The following PCDHGB2 variants were observed in gnomAD, a reference collection of about 807,000 sequenced individuals.
The protein encoded by PCDHGB2 is protocadherin gamma-B2.
Under a neutral mutation model 59.3 loss-of-function variants are expected in PCDHGB2, and 55 were observed. The observed-to-expected ratio is 0.93, with a 90% CI of 0.75 to 1.16. The LOEUF (loss-of-function observed/expected upper bound fraction) is 1.16. Ranked by LOEUF, PCDHGB2 falls within the 50% of genes most tolerant of loss-of-function variation. The pLI is 0.00. For missense variants in PCDHGB2, 1,228 were observed against 1,198.5 expected, an observed-to-expected ratio of 1.02 and a Z score of -0.36; for synonymous variants, 516 against 512.0, an observed-to-expected ratio of 1.01 and a Z score of -0.11.
intron 1 of PCDHGB2, chr5:141,392,605 C>CAA: frequency 1.9e-6 from 1 of 514,610 alleles, no homozygotes; most frequent in Non-Finnish European, 3.4e-6. Context: ...TACTGGAAGA[C>CAA]AAATGCAACC....
In PCDHGB2 at chr5:141,432,021, C is replaced by G. The variant is rs746940912; in HGVS notation, c.2422-62786C>G. 1.9e-5 allele frequency: 30 copies of G among 1,614,076 alleles called. No individual in the cohort carries two copies. The highest frequency in any genetic ancestry group is 2.7e-5 in the African/African-American group (2 of 74,922). Reference sequence around the variant, plus strand: ...GAACAGGTTCCTAGCTACAACATCACAGTGACCGCCACTGACCGGGGAACC... The same window carrying G: ...GAACAGGTTCCTAGCTACAACATCAGAGTGACCGCCACTGACCGGGGAACC... On this transcript the variant is annotated intron_variant, in intron 1 of 3. Transcript: ENST00000522605. The surrounding 1 kb of genome is among the most constrained non-coding windows in gnomAD (Gnocchi z 6.0).
At chr5:141,366,663 C>A in intron 1 of PCDHGB2, 2 of 1,614,242 alleles carry the variant, frequency 1.2e-6, no homozygotes, top group East Asian at 2.2e-5. Context: ...TACGCAGACA[C>A]GCTCCTTAGT....
intron 1 of PCDHGB2, chr5:141,471,509 TA>T (rs1211467109): frequency 6.6e-6 from 1 of 152,008 alleles, no homozygotes; most frequent in Non-Finnish European, 1.5e-5. Context: ...AGAGAGGGAG[TA>T]AAAATAACAG....
intron 1 of PCDHGB2, chr5:141,371,737 A>G (rs762168645): frequency 6.2e-7 from 1 of 1,614,038 alleles, no homozygotes; most frequent in South Asian, 1.1e-5. Context: ...GTCAACGACA[A>G]CGTTCCCGTT....
Position 141,399,560 on chromosome 5 carries a change from G to A in PCDHGB2, c.2421+37004G>A, listed in dbSNP as rs1354621756. The A allele has an allele frequency of 6.8e-6, 11 of 1,613,906 alleles. No homozygotes were observed. The Admixed American group carries it at 1.3e-4, about 20-fold the overall frequency. ...GTCTGCGCCTCGGACCTGGACTTGG[G>A]GTTGAACGGCCAAGTCTCCTACTCT... is the stretch of plus-strand genomic sequence containing the variant. On this transcript the variant is annotated intron_variant, in intron 1 of 3. Coordinates refer to ENST00000522605, the MANE Select transcript of PCDHGB2 (RefSeq NM_018923.3).
intron 2 of PCDHGB2, among the ~76,000 whole-genome samples, chr5:141,502,866 C>CTTTTTTT (rs549047197): frequency 0.02 from 2,590 of 127,990 alleles, 216 homozygotes; most frequent in African/African-American, 0.075. Flanking sequence ...GACTCTCTGT[C>CTTTTTTT]TTTTTTTTTT....
intron 1 of PCDHGB2, among the ~76,000 whole-genome samples, chr5:141,382,559 C>T (rs1588920623): frequency 1.3e-5 from 2 of 152,238 alleles, no homozygotes; most frequent in East Asian, 1.9e-4. Context: ...ATATCTAGAG[C>T]AAAGAAATCT....
chr5:141,387,978 C>T, intron 1 of PCDHGB2: 1 of 1,487,640 alleles, frequency 6.7e-7, no homozygotes, highest in Non-Finnish European at 9.1e-7. Flanking sequence ...GCTCTGTGAG[C>T]AGATCCGCTA....
At chr5:141,492,189 G>A (rs2099737936) in intron 1 of PCDHGB2, among the ~76,000 whole-genome samples, 1 of 152,204 alleles carries the variant, frequency 6.6e-6, no homozygotes, top group East Asian at 1.9e-4. Flanking sequence ...GCACCTGTCT[G>A]CGGGACTTAG....
At position 141,486,543 on chromosome 5, in the gene PCDHGB2, A is replaced by G; in HGVS notation, c.2422-8264A>G. Reference sequence around the variant, plus strand: ...AATGATAATCCACCCTCTTTCTTTCAGAGGTCACATGAGGTGTTTGTTCCT... The same window carrying G: ...AATGATAATCCACCCTCTTTCTTTCGGAGGTCACATGAGGTGTTTGTTCCT... On this transcript the variant is annotated intron_variant, in intron 1 of 3. Transcript: ENST00000522605. This position sits in a 1 kb window ranked among gnomAD's most constrained non-coding sequence, Gnocchi z 5.0. 6.2e-7 allele frequency: 1 copy of G among 1,614,080 alleles called. No individual in the cohort carries two copies. Among genetic ancestry groups the G allele is most frequent in the Non-Finnish European group, 8.5e-7 (1 of 1,180,020 alleles).
chr5:141,390,404 G>T, intron 1 of PCDHGB2: 1 of 1,262,098 alleles, frequency 7.9e-7, no homozygotes. Flanking sequence ...TTTTAGGAAA[G>T]TTGTAGTCAG....
At position 141,486,426 on chromosome 5, in the gene PCDHGB2, A is replaced by T; in HGVS notation, c.2422-8381A>T. 6.2e-7 allele frequency: 1 copy of T among 1,614,190 alleles called. No homozygotes were observed. The highest frequency in any genetic ancestry group is 8.5e-7 in the Non-Finnish European group (1 of 1,180,026). ...GCTGGACCCTTGGATCGAGAGGCCA[A>T]ATCTAGCTATGACATCATGGTCACT... On this transcript the variant is annotated intron_variant, in intron 1 of 3. Coordinates refer to ENST00000522605, the MANE Select transcript of PCDHGB2 (RefSeq NM_018923.3). This position sits in a 1 kb window ranked among gnomAD's most constrained non-coding sequence, Gnocchi z 5.0.
intron 1 of PCDHGB2, chr5:141,394,856 G>T (rs1008039711): frequency 1.2e-6 from 2 of 1,613,674 alleles, no homozygotes; most frequent in African/African-American, 2.7e-5. Context: ...TGAAGCCTTC[G>T]GTCGACCCGA....
At chr5:141,501,326 CACACA>C (rs2099807944) in intron 2 of PCDHGB2, among the ~76,000 whole-genome samples, 1 of 151,784 alleles carries the variant, frequency 6.6e-6, no homozygotes, top group Non-Finnish European at 1.5e-5. Flanking sequence ...CACACACACA[CACACA>C]CACCCCAAAC....
intron 1 of PCDHGB2, chr5:141,418,737 C>G (rs768683069): frequency 6.2e-7 from 1 of 1,613,842 alleles, no homozygotes; most frequent in African/African-American, 1.3e-5. Context: ...CACGTGTTCT[C>G]TCTGGATTAC....
At chr5:141,508,483 G>T (rs1186425031) in intron 3 of PCDHGB2, among the ~76,000 whole-genome samples, 2 of 152,154 alleles carry the variant, frequency 1.3e-5, no homozygotes, top group East Asian at 3.9e-4. Context: ...TTACATTCTG[G>T]ATTTCCATAT....
chr5:141,370,460 C>T (rs373931690), intron 1 of PCDHGB2: 1 of 1,612,562 alleles, frequency 6.2e-7, no homozygotes, highest in Non-Finnish European at 8.5e-7. Context: ...TCTTCCTGCT[C>T]TCTTTGTTAG....
chr5:141,419,692 C>T (rs2096416788), intron 1 of PCDHGB2: 15 of 1,612,780 alleles, frequency 9.3e-6, no homozygotes, highest in Non-Finnish European at 1.3e-5. Context: ...TGGTGCAGGC[C>T]AGTGAGCCCG....
intron 1 of PCDHGB2, chr5:141,384,940 T>C: frequency 6.2e-7 from 1 of 1,613,942 alleles, no homozygotes; most frequent in Non-Finnish European, 8.5e-7. Flanking sequence ...CCTTGAGCCC[T>C]CCGACGGTCC....
Sources: allele counts gnomAD v4.1 joint callset (sites outside exome capture counted in the v4.1 genomes callset), GRCh38; gene constraint gnomAD v4.1.1; non-coding constraint Gnocchi (gnomAD v3.1); transcripts MANE v1.5; gene names NCBI Gene and HGNC (gene_info 2026-07-23, HGNC 2026-07-21).